The following DSCAML1 variants were observed in gnomAD, a reference collection of about 807,000 sequenced individuals.
DSCAML1 encodes DS cell adhesion molecule like 1.
DSCAML1 carries 38 observed loss-of-function variants against 200.5 expected under a neutral mutation model. The ratio of observed to expected loss-of-function variants is 0.19; its 90% CI spans 0.15 to 0.25. DSCAML1 has a LOEUF of 0.25. Ranked by LOEUF, DSCAML1 falls within the 10% of genes least tolerant of loss-of-function variation. DSCAML1 has a pLI of 1.00. For synonymous variants in DSCAML1, 1,215 were observed against 1,165.0 expected (o/e 1.04, Z -0.87); for missense variants, 2,223 against 2,858.8 (o/e 0.78, Z 5.07).
chr11:117,431,018 C>G lies in DSCAML1; in HGVS notation c.5390G>C (p.Ser1797Thr). ...LSQDTDKGRNSMVSTESASST... is the reference protein window; with the variant it reads ...LSQDTDKGRNTMVSTESASST... ...AGAGGCACTCTCAGTGGACACCATG[C>G]TGTTCCTTCCTTTGTCTGGGGAGTT... The change falls in exon 32 of 33, where the codon AGC becomes ACC. Residue 1797 changes from serine to threonine, a missense_variant. Ser to Thr is a moderately conservative substitution (Grantham distance 58). Transcript: ENST00000651296. 6.2e-7 allele frequency: 1 copy of G among 1,612,060 alleles called. No homozygotes were observed. The highest frequency in any genetic ancestry group is 8.5e-7 in the Non-Finnish European group (1 of 1,178,752).
intron 3 of DSCAML1, among the ~76,000 whole-genome samples, chr11:117,562,105 C>G (rs897000926): frequency 3.3e-4 from 51 of 152,260 alleles, no homozygotes; most frequent in African/African-American, 1.2e-3. Context: ...TCCTGATGCC[C>G]CTTGGTTCAG....
intron 3 of DSCAML1, among the ~76,000 whole-genome samples, chr11:117,555,202 C>T (rs933694375): frequency 6.6e-6 from 1 of 152,250 alleles, no homozygotes; most frequent in African/African-American, 2.4e-5. Flanking sequence ...CTCTCTCATA[C>T]TATTTATCAC....
chr11:117,670,581 G>T (rs2053083767), intron 3 of DSCAML1, among the ~76,000 whole-genome samples: 1 of 152,142 alleles, frequency 6.6e-6, no homozygotes, highest in Non-Finnish European at 1.5e-5. Flanking sequence ...GGTTCCAGCT[G>T]CTGCGTGAAG....
intron 3 of DSCAML1, among the ~76,000 whole-genome samples, chr11:117,543,023 T>C (rs529334151): frequency 5.1e-4 from 77 of 152,316 alleles, no homozygotes; most frequent in African/African-American, 1.8e-3. Flanking sequence ...ATTCTTCCGA[T>C]GGAGGCTTCC....
At chr11:117,716,696 T>G (rs1448159170) in intron 3 of DSCAML1, among the ~76,000 whole-genome samples, 1 of 152,172 alleles carries the variant, frequency 6.6e-6, no homozygotes, top group Non-Finnish European at 1.5e-5. Context: ...GGCTTTTATA[T>G]GGTTGAAATG....
chr11:117,664,904 T>C lies in DSCAML1; in HGVS notation c.511+111887A>G, dbSNP rs2052942025. Among the ~76,000 whole-genome samples, 4 of 152,342 alleles carry C rather than the reference T, an allele frequency of 2.6e-5. No individual in the cohort carries two copies. In the South Asian group the frequency reaches 8.3e-4, roughly 32 times the overall value. ...GTCCCTTTCACGGCCGCGTGTCTGC[T>C]GGGCACCTTCAGAACCACGTCTATC... On this transcript the variant is annotated intron_variant, in intron 3 of 32. Transcript: ENST00000651296.
At chr11:117,675,279 A>G (rs2053188125) in intron 3 of DSCAML1, among the ~76,000 whole-genome samples, 1 of 152,126 alleles carries the variant, frequency 6.6e-6, no homozygotes, top group African/African-American at 2.4e-5. Flanking sequence ...ATTTTCAAAC[A>G]TACCACAAAA....
At chr11:117,656,504 T>C (rs1221954645) in intron 3 of DSCAML1, among the ~76,000 whole-genome samples, 1 of 136,588 alleles carries the variant, frequency 7.3e-6, no homozygotes, top group Non-Finnish European at 1.6e-5. Flanking sequence ...ATCATCTATC[T>C]ATCTATCTAT....
Position 117,505,098 on chromosome 11 carries a change from C to T in DSCAML1, c.2063-55G>A. Reference sequence around the variant, plus strand: ...ACCATTTTAGTCTCTGATGGGTCTCCTAGGGCTTCGAGCACCTTCTGTTTG... The same window carrying T: ...ACCATTTTAGTCTCTGATGGGTCTCTTAGGGCTTCGAGCACCTTCTGTTTG... On this transcript the variant is annotated intron_variant, in intron 9 of 32. Coordinates refer to ENST00000651296, the MANE Select transcript of DSCAML1 (RefSeq NM_020693.4). The surrounding 1 kb of genome is among the most constrained non-coding windows in gnomAD (Gnocchi z 6.7). 6.3e-7 allele frequency: 1 copy of T among 1,578,636 alleles called. No individual in the cohort carries two copies. The highest frequency in any genetic ancestry group is 8.6e-7 in the Non-Finnish European group (1 of 1,157,640).
At chr11:117,708,872 C>T (rs1464145570) in intron 3 of DSCAML1, among the ~76,000 whole-genome samples, 1 of 152,192 alleles carries the variant, frequency 6.6e-6, no homozygotes, top group Non-Finnish European at 1.5e-5. Flanking sequence ...TGTAGGCTCC[C>T]ATTACATGCT....
chr11:117,574,013 T>TCCC (rs1565798730), intron 3 of DSCAML1, among the ~76,000 whole-genome samples: 1 of 152,182 alleles, frequency 6.6e-6, no homozygotes, highest in East Asian at 1.9e-4. Flanking sequence ...TTCCATAGCT[T>TCCC]TCTGGAGCTG....
At chr11:117,588,999 G>T (rs190873473) in intron 3 of DSCAML1, among the ~76,000 whole-genome samples, 6 of 152,182 alleles carry the variant, frequency 3.9e-5, no homozygotes, top group East Asian at 3.9e-4. Context: ...GGACACACAG[G>T]GGGAGAGGCT....
chr11:117,433,538 A>G, intron 27 of DSCAML1, 67 bp from the exon 28 acceptor site: 5 of 1,551,572 alleles, frequency 3.2e-6, no homozygotes, highest in South Asian at 2.4e-5. Context: ...ACAATGGGAG[A>G]GGCATGGGAA....
chr11:117,747,355 T>C (rs73585233), intron 3 of DSCAML1, among the ~76,000 whole-genome samples: 8,919 of 152,248 alleles, frequency 0.059, 856 homozygotes, highest in African/African-American at 0.2. Context: ...GATGTAGTCC[T>C]GGGCTGGGGT....
intron 11 of DSCAML1, among the ~76,000 whole-genome samples, chr11:117,496,888 C>T (rs781759820): frequency 2.7e-4 from 41 of 152,190 alleles, no homozygotes; most frequent in Non-Finnish European, 5.0e-4. Flanking sequence ...CTGTTCTATT[C>T]GACCTTGAAA....
At chr11:117,583,849 C>T (rs2051090100) in intron 3 of DSCAML1, among the ~76,000 whole-genome samples, 1 of 152,230 alleles carries the variant, frequency 6.6e-6, no homozygotes, top group East Asian at 1.9e-4. Flanking sequence ...CCCCATCAGA[C>T]CCTGGTGTGA....
chr11:117,578,212 G>A (rs866291912), intron 3 of DSCAML1, among the ~76,000 whole-genome samples: 1 of 123,012 alleles, frequency 8.1e-6, no homozygotes, highest in South Asian at 2.9e-4. Context: ...TCCAGCCTGG[G>A]CAACAAGAGC....
chr11:117,660,193 G>C (rs2052817505), intron 3 of DSCAML1, among the ~76,000 whole-genome samples: 1 of 152,182 alleles, frequency 6.6e-6, no homozygotes, highest in Admixed American at 6.5e-5. Context: ...CCTAGGGCCT[G>C]AGTCCCATAG....
intron 3 of DSCAML1, among the ~76,000 whole-genome samples, chr11:117,547,690 C>T (rs2050401106): frequency 6.6e-6 from 1 of 152,236 alleles, no homozygotes; most frequent in Admixed American, 6.5e-5. Flanking sequence ...CAAGCAGCTA[C>T]TGTGTGTCTG....
Sources: allele counts gnomAD v4.1 joint callset (sites outside exome capture counted in the v4.1 genomes callset), GRCh38; gene constraint gnomAD v4.1.1; non-coding constraint Gnocchi (gnomAD v3.1); transcripts MANE v1.5; gene names NCBI Gene and HGNC (gene_info 2026-07-23, HGNC 2026-07-21).